Variants in UBN1 observed in about 807,000 individuals in gnomAD.
UBN1 encodes the protein ubinuclein 1.
A neutral mutation model predicts 108.5 loss-of-function variants in UBN1; 17 were observed. The ratio of observed to expected loss-of-function variants is 0.16; its 90% CI spans 0.11 to 0.24. The LOEUF (loss-of-function observed/expected upper bound fraction) is 0.24, where lower values mean the gene tolerates loss of function less well. Ranked by LOEUF, UBN1 falls within the 10% of genes least tolerant of loss-of-function variation. UBN1 has a pLI of 1.00. For synonymous variants in UBN1, 726 were observed against 564.2 expected, an observed-to-expected ratio of 1.29 and a Z score of -4.07; for missense variants, 1,595 against 1,394.4, an observed-to-expected ratio of 1.14 and a Z score of -2.29.
At chr16:4,868,989 CA>C in intron 8 of UBN1, 86 bp downstream of exon 8, 1 of 1,361,330 alleles carries the variant, frequency 7.3e-7, no homozygotes, top group Non-Finnish European at 1.0e-6. Flanking sequence ...AGTGGGAGTA[CA>C]ATTGAACTGC....
chr16:4,855,115 T>C (rs1220036595), intron 2 of UBN1, among the ~76,000 whole-genome samples: 3 of 152,134 alleles, frequency 2.0e-5, no homozygotes, highest in Non-Finnish European at 2.9e-5. Context: ...AGCATTGTGG[T>C]CTCTAGCATG....
At chr16:4,850,214 T>TA (rs2086492062) in intron 1 of UBN1, among the ~76,000 whole-genome samples, 1 of 152,184 alleles carries the variant, frequency 6.6e-6, no homozygotes, top group Admixed American at 6.5e-5. Flanking sequence ...TAAGTGGTAA[T>TA]AGAGTACAGA....
In UBN1 at chr16:4,861,056, A is replaced by G. The variant is rs1223272134; in HGVS notation, c.1064A>G (p.Glu355Gly). ...QEFRQPSSLP[E>G]GLPAPLEKRV... ...TTCAGGCAGCCCTCTTCTCTCCCCG[A>G]AGGCCTGCCAGCACCCCTGGAGAAG... Residue 355 changes from glutamate to glycine, a missense_variant, in exon 7 of 18, where the codon GAA becomes GGA. This residue lies in a region of UBN1 where 1,398 missense variants were observed against 1,194.7 expected (regional missense o/e 1.17). Transcript: ENST00000262376. The G allele has an allele frequency of 2.5e-6, 4 of 1,613,954 alleles. No individual in the cohort carries two copies.
chr16:4,874,070 G>A (rs2087764043), intron 14 of UBN1, 141 bp from the exon 15 acceptor site: 1 of 1,083,610 alleles, frequency 9.2e-7, no homozygotes, highest in South Asian at 1.8e-5. Context: ...CACAGCTCCT[G>A]CTCTGTCCCA....
At chr16:4,867,646 A>T (rs2087401295) in intron 7 of UBN1, among the ~76,000 whole-genome samples, 1 of 152,134 alleles carries the variant, frequency 6.6e-6, no homozygotes, top group Admixed American at 6.5e-5. Flanking sequence ...TATTGGGAGA[A>T]GTGGGTTCTA....
At chr16:4,854,358 T>G (rs1305768917) in intron 2 of UBN1, among the ~76,000 whole-genome samples, 1 of 117,708 alleles carries the variant, frequency 8.5e-6, no homozygotes, top group African/African-American at 4.0e-5. Flanking sequence ...TGTTGTTGTT[T>G]TTTGAGACCA....
intron 17 of UBN1, 40 bp from the exon 18 acceptor site, chr16:4,880,043 A>T: frequency 6.2e-7 from 1 of 1,611,446 alleles, no homozygotes; most frequent in Non-Finnish European, 8.5e-7. Context: ...ATCAGAGAGC[A>T]TGAAAAACTT....
intron 7 of UBN1, among the ~76,000 whole-genome samples, chr16:4,861,942 AAAAC>A (rs1317573678): frequency 1.3e-5 from 2 of 152,214 alleles, no homozygotes; most frequent in Admixed American, 6.5e-5. Context: ...ATTCCATTAA[AAAAC>A]AAACCAACCA....
At chr16:4,869,422 A>G (rs2087499828) in intron 8 of UBN1, among the ~76,000 whole-genome samples, 1 of 152,242 alleles carries the variant, frequency 6.6e-6, no homozygotes, top group African/African-American at 2.4e-5. Context: ...CGGGTTAAAA[A>G]ACAGATGAGC....
intron 7 of UBN1, among the ~76,000 whole-genome samples, chr16:4,863,768 T>G (rs1213597096): frequency 6.6e-6 from 1 of 152,210 alleles, no homozygotes; most frequent in Non-Finnish European, 1.5e-5. Context: ...CCAACGCTCA[T>G]GGCTGCATTC....
rs774693521 is a variant in UBN1, at chr16:4,874,387, C to T, written c.1977C>T (p.Asp659=). ...ACCCTCCTCCTGTCAACCTGGAGGA[C>T]TCATTGGATGAAGACTTGATCCGCA... is the stretch of plus-strand genomic sequence containing the variant. ...LANPPPVNLE[D]SLDEDLIRNP... is the part of the protein sequence containing the mutation. Residue 659 remains aspartate (D), a synonymous_variant, in exon 15 of 18, where the codon GAC becomes GAT. Coordinates refer to ENST00000262376, the MANE Select transcript of UBN1 (RefSeq NM_001079514.3). 8.1e-6 allele frequency: 13 copies of T among 1,614,096 alleles called. No individual in the cohort carries two copies. The South Asian group carries it at 1.4e-4, about 18-fold the overall frequency.
intron 7 of UBN1, among the ~76,000 whole-genome samples, chr16:4,865,241 C>T (rs193255770): frequency 4.6e-5 from 7 of 152,224 alleles, no homozygotes; most frequent in Admixed American, 2.0e-4. Context: ...AGTATAAAGC[C>T]AGACCCTCAG....
At chr16:4,854,200 AT>A (rs1318570289) in intron 2 of UBN1, among the ~76,000 whole-genome samples, 2 of 150,424 alleles carry the variant, frequency 1.3e-5, no homozygotes, top group Non-Finnish European at 3.0e-5. Context: ...CGCCCGGCAA[AT>A]TTTTTGTATT....
chr16:4,875,238 G>C lies in UBN1; in HGVS notation c.2828G>C (p.Gly943Ala). 6.2e-7 allele frequency: 1 copy of C among 1,614,210 alleles called. No individual in the cohort carries two copies. ...LVPGIQPPSV[G>A]QATSRPVPSS... is the part of the protein sequence containing the mutation. ...CCTGGCATACAGCCTCCCTCCGTGG[G>C]ACAGGCCACCAGCCGACCCGTCCCA... The change falls in exon 15 of 18, where the codon GGA becomes GCA. Residue 943 changes from glycine to alanine, a missense_variant. By Grantham distance (60) the Gly-to-Ala change is moderately conservative. Transcript: ENST00000262376.
chr16:4,857,026 A>G (rs1216302455), intron 2 of UBN1, among the ~76,000 whole-genome samples: 1 of 152,156 alleles, frequency 6.6e-6, no homozygotes, highest in Admixed American at 6.5e-5. Context: ...TACTTCGTAC[A>G]GGAGTCTTAT....
rs779630707 is a variant in UBN1, at chr16:4,870,833, T to A, written c.1431-11T>A. ...ACCTTGGGGCCCCATGTAATTCTAT[T>A]CACCCCGTAGGATGCTGGAAGAGGA... On this transcript the variant is annotated splice_polypyrimidine_tract_variant and intron_variant, in intron 10 of 17. Coordinates refer to ENST00000262376, the MANE Select transcript of UBN1 (RefSeq NM_001079514.3). The A allele has an allele frequency of 6.2e-6, 10 of 1,613,444 alleles. No individual in the cohort carries two copies. In the Admixed American group the frequency reaches 1.0e-4, roughly 16 times the overall value.
At chr16:4,859,730 C>T in intron 5 of UBN1, 135 bp from the exon 6 acceptor site, 1 of 1,432,432 alleles carries the variant, frequency 7.0e-7, no homozygotes, top group Non-Finnish European at 9.3e-7. Flanking sequence ...AGGGACTGAT[C>T]TGAGAGCTTT....
chr16:4,877,528 A>C lies in UBN1; in HGVS notation c.3355+54A>C. The C allele has an allele frequency of 6.6e-7, 1 of 1,512,638 alleles. No homozygotes were observed. The highest frequency in any genetic ancestry group is 8.8e-7 in the Non-Finnish European group (1 of 1,130,964). 93.7% of individuals were successfully genotyped at this position (1,512,638 alleles called of 1,614,324 possible). On this transcript the variant is annotated intron_variant, in intron 17 of 17. Coordinates refer to ENST00000262376, the MANE Select transcript of UBN1 (RefSeq NM_001079514.3). The surrounding 1 kb of genome is among the most constrained non-coding windows in gnomAD (Gnocchi z 4.3). ...CGCACCGTGTGCCTTTGCCCTCTCC[A>C]CCCCTAGGTGCTTTGCCGCTGCCAA...
intron 7 of UBN1, among the ~76,000 whole-genome samples, chr16:4,866,892 C>T (rs909584921): frequency 3.3e-5 from 5 of 152,184 alleles, no homozygotes; most frequent in Non-Finnish European, 5.9e-5. Flanking sequence ...TAGTACAGAG[C>T]AGAATGAAGT....
Sources: gnomAD v4.1 joint callset for allele counts (sites outside exome capture counted in the v4.1 genomes callset) on GRCh38, gnomAD v4.1.1 for gene constraint, gnomAD v4.1.1 regional missense constraint, Gnocchi (gnomAD v3.1) non-coding constraint, MANE v1.5 for transcripts, NCBI Gene and HGNC (gene_info 2026-07-23, HGNC 2026-07-21) for gene names.